PAPPA2: variants seen among roughly 807,000 people sequenced by gnomAD.
PAPPA2 encodes pappalysin-2.
Under a neutral mutation model 176.4 loss-of-function variants are expected in PAPPA2, and 86 were observed. The observed-to-expected ratio is 0.49, with a 90% CI of 0.41 to 0.58. PAPPA2 has a LOEUF of 0.58. PAPPA2 is among the 20% of genes least tolerant of loss of function. The probability of loss-of-function intolerance (pLI) is 0.00; values close to 1 mark genes in which losing one functional copy is unlikely to be tolerated. For missense variants in PAPPA2, 2,073 were observed against 2,256.9 expected (o/e 0.92, Z 1.65); for synonymous variants, 809 against 852.2 (o/e 0.95, Z 0.88).
chr1:176,639,827 CT>C (rs1656962979), intron 3 of PAPPA2, among the ~76,000 whole-genome samples: 1 of 151,314 alleles, frequency 6.6e-6, no homozygotes, highest in Non-Finnish European at 1.5e-5. Flanking sequence ...TAAATAATTG[CT>C]TTTCATGTAC....
chr1:176,499,327 T>C (rs1383616405), intron 1 of PAPPA2, among the ~76,000 whole-genome samples: 1 of 152,234 alleles, frequency 6.6e-6, no homozygotes, highest in East Asian at 1.9e-4. Flanking sequence ...TTTTGGGCTA[T>C]GTGGCAAGTC....
At chr1:176,690,632 T>C (rs1235953069) in intron 5 of PAPPA2, 2 of 1,378,862 alleles carry the variant, frequency 1.5e-6, no homozygotes, top group African/African-American at 2.9e-5. Flanking sequence ...TAAGGTACTT[T>C]GTTCACTGAA....
chr1:176,803,627 A>G (rs560011806), intron 21 of PAPPA2, among the ~76,000 whole-genome samples: 7 of 152,108 alleles, frequency 4.6e-5, no homozygotes, highest in African/African-American at 7.2e-5. Context: ...TGGGACCTCA[A>G]CATTTCTCAT....
At chr1:176,671,225 A>C in intron 4 of PAPPA2, 110 bp downstream of exon 4, 1 of 1,391,172 alleles carries the variant, frequency 7.2e-7, no homozygotes, top group Non-Finnish European at 9.8e-7. Flanking sequence ...GTGAATTTAC[A>C]CAGTGAATTA....
At chr1:176,522,652 G>A (rs1338954186) in intron 1 of PAPPA2, among the ~76,000 whole-genome samples, 2 of 152,188 alleles carry the variant, frequency 1.3e-5, no homozygotes, top group African/African-American at 4.8e-5. Flanking sequence ...CTGAGTGTTA[G>A]GCAAGAGGAA....
chr1:176,818,033 G>A (rs1251898499), intron 21 of PAPPA2, among the ~76,000 whole-genome samples: 1 of 152,116 alleles, frequency 6.6e-6, no homozygotes, highest in Non-Finnish European at 1.5e-5. Flanking sequence ...AATGACTAGA[G>A]AGGCGGAAGG....
chr1:176,715,636 C>T (rs1661335251), intron 12 of PAPPA2, among the ~76,000 whole-genome samples: 3 of 152,306 alleles, frequency 2.0e-5, no homozygotes, highest in Admixed American at 1.3e-4. Flanking sequence ...GGTGAACATA[C>T]ATTGGCCACC....
rs1485062281 is a variant in PAPPA2, at chr1:176,593,703, A to AGCCTGTAAAT, written c.920-807_920-798dup. Among the ~76,000 whole-genome samples, 31 of 152,312 alleles carry AGCCTGTAAAT rather than the reference A, an allele frequency of 2.0e-4. No homozygotes were observed. In the South Asian group the frequency reaches 2.5e-3, roughly 12 times the overall value. Reference sequence around the variant, plus strand: ...CTTTGTTTATTCCACTAGATTTAATAGCCTGTAAATGCCTGTAAATGCCCT... The same window carrying AGCCTGTAAAT: ...CTTTGTTTATTCCACTAGATTTAATAGCCTGTAAATGCCTGTAAATGCCTGTAAATGCCCT... On this transcript the variant is annotated intron_variant, in intron 2 of 22. Coordinates refer to ENST00000367662, the MANE Select transcript of PAPPA2 (RefSeq NM_020318.3).
chr1:176,738,125 T>A (rs187992293), intron 12 of PAPPA2, among the ~76,000 whole-genome samples: 116 of 152,270 alleles, frequency 7.6e-4, no homozygotes, highest in African/African-American at 2.7e-3. Flanking sequence ...GGGCTCTTGG[T>A]TACCTTAGGG....
At chr1:176,828,063 T>A (rs924327914) in intron 21 of PAPPA2, among the ~76,000 whole-genome samples, 1 of 152,052 alleles carries the variant, frequency 6.6e-6, no homozygotes, top group African/African-American at 2.4e-5. Flanking sequence ...ATATCATTAA[T>A]ACATGATAAC....
intron 1 of PAPPA2, among the ~76,000 whole-genome samples, chr1:176,554,100 G>C (rs894664893): frequency 6.6e-6 from 1 of 152,078 alleles, no homozygotes; most frequent in Non-Finnish European, 1.5e-5. Context: ...GACTTGCATC[G>C]AGGCTCCAGT....
chr1:176,552,002 A>G (rs1173368161), intron 1 of PAPPA2, among the ~76,000 whole-genome samples: 1 of 152,046 alleles, frequency 6.6e-6, no homozygotes, highest in Non-Finnish European at 1.5e-5. Context: ...ATTTTGTAAA[A>G]CGTGTCCAGT....
rs116150419 is a variant in PAPPA2 at position 176,794,487 on chromosome 1, C to T, written c.5130+818C>T. 6.5e-3 allele frequency among the ~76,000 whole-genome samples: 997 copies of T among 152,306 alleles called. 4 individuals are homozygous for T. Among genetic ancestry groups the T allele is most frequent in the African/African-American group, 0.023 (957 of 41,566 alleles). ...ATCCTCCATCCCTGAAAAGATATCA[C>T]TAGCTATCTCCATGCAAAATAAAGA... On this transcript the variant is annotated intron_variant, in intron 20 of 22. Transcript: ENST00000367662.
At chr1:176,623,758 C>CCTTTCTTT (rs71129580) in intron 3 of PAPPA2, among the ~76,000 whole-genome samples, 13,142 of 59,022 alleles carry the variant, frequency 0.22, 1,988 homozygotes, top group Non-Finnish European at 0.25. Flanking sequence ...TTCCTTCCTT[C>CCTTTCTTT]CTTTCTTTCT....
At chr1:176,826,379 TG>T (rs1666864231) in intron 21 of PAPPA2, among the ~76,000 whole-genome samples, 1 of 152,112 alleles carries the variant, frequency 6.6e-6, no homozygotes, top group African/African-American at 2.4e-5. Flanking sequence ...GAACATGTTG[TG>T]AAACAGATGC....
intron 1 of PAPPA2, among the ~76,000 whole-genome samples, chr1:176,524,143 C>T (rs748968401): frequency 6.6e-6 from 1 of 152,166 alleles, no homozygotes; most frequent in Non-Finnish European, 1.5e-5. Flanking sequence ...GCAGCACTGT[C>T]GTTTTCAGAC....
At chr1:176,633,988 A>G (rs368463065) in intron 3 of PAPPA2, among the ~76,000 whole-genome samples, 4 of 152,144 alleles carry the variant, frequency 2.6e-5, no homozygotes, top group Admixed American at 6.6e-5. Flanking sequence ...CTTTTACACT[A>G]TTGGTGGGAC....
chr1:176,673,714 A>AAATTATTTAT (rs1245586278), intron 4 of PAPPA2, among the ~76,000 whole-genome samples: 1 of 152,172 alleles, frequency 6.6e-6, no homozygotes, highest in Non-Finnish European at 1.5e-5. Flanking sequence ...AATACTTTAA[A>AAATTATTTAT]AATTATTTAT....
intron 2 of PAPPA2, among the ~76,000 whole-genome samples, chr1:176,589,924 T>C (rs1416271967): frequency 2.0e-5 from 3 of 152,222 alleles, no homozygotes; most frequent in African/African-American, 7.2e-5. Flanking sequence ...AAACTTCATC[T>C]TGCTTTTGCT....
Sources: gnomAD v4.1 joint callset for allele counts (sites outside exome capture counted in the v4.1 genomes callset) on GRCh38, gnomAD v4.1.1 for gene constraint, MANE v1.5 for transcripts, NCBI Gene and HGNC (gene_info 2026-07-23, HGNC 2026-07-21) for gene names.